The following GLIS3 variants were observed in gnomAD, a reference collection of about 807,000 sequenced individuals.
GLIS3 encodes the protein zinc finger protein GLIS3.
Under a neutral mutation model 78.6 loss-of-function variants are expected in GLIS3, and 53 were observed. The ratio of observed to expected loss-of-function variants is 0.67; its 90% CI spans 0.54 to 0.85. The LOEUF (loss-of-function observed/expected upper bound fraction) is 0.85. GLIS3 is among the 40% of genes least tolerant of loss of function. The probability of loss-of-function intolerance (pLI) is 0.00; values close to 1 mark genes in which losing one functional copy is unlikely to be tolerated. For synonymous variants in GLIS3, 684 were observed against 509.9 expected (o/e 1.34, Z -4.60); for missense variants, 1,703 against 1,231.1 (o/e 1.38, Z -5.74).
At chr9:4,421,139 A>G in the GLIS3 span, among the ~76,000 whole-genome samples, 3 of 152,228 alleles carry the variant, frequency 2.0e-5, no homozygotes, top group African/African-American at 7.2e-5. Context: ...AAGCACTGTG[A>G]AAGCAATAAT....
At chr9:4,101,223 G>A (rs545599683) in intron 4 of GLIS3, among the ~76,000 whole-genome samples, 94 of 152,240 alleles carry the variant, frequency 6.2e-4, no homozygotes, top group Middle Eastern at 3.4e-3. Context: ...CTACTGCAAC[G>A]GATTACTGTG....
the GLIS3 span, among the ~76,000 whole-genome samples, chr9:4,439,265 C>T: frequency 9.2e-5 from 14 of 152,172 alleles, no homozygotes; most frequent in African/African-American, 3.4e-4. Context: ...ATATAATTCA[C>T]GTATCATACA....
At chr9:4,395,068 T>A in the GLIS3 span, among the ~76,000 whole-genome samples, 20 of 152,334 alleles carry the variant, frequency 1.3e-4, no homozygotes, top group African/African-American at 4.6e-4. Context: ...TTTCTAGTTA[T>A]TCATCAAGAA....
At chr9:3,944,831 G>T (rs1816182352) in intron 4 of GLIS3, among the ~76,000 whole-genome samples, 1 of 152,186 alleles carries the variant, frequency 6.6e-6, no homozygotes, top group Non-Finnish European at 1.5e-5. Flanking sequence ...CAGTTCAGAA[G>T]ACTGAGAAGT....
chr9:3,896,685 GT>G (rs1162384726), intron 7 of GLIS3, among the ~76,000 whole-genome samples: 31 of 10,230 alleles, frequency 3.0e-3, no homozygotes, highest in African/African-American at 7.4e-3. Flanking sequence ...AAAAAAAGAA[GT>G]AGAGAGGGTA....
chr9:4,378,974 G>A, the GLIS3 span, among the ~76,000 whole-genome samples: 2 of 152,190 alleles, frequency 1.3e-5, no homozygotes, highest in African/African-American at 2.4e-5. Flanking sequence ...TTAAATGAAG[G>A]CTGACAGGTG....
At chr9:3,866,570 G>A (rs1352498913) in intron 8 of GLIS3, among the ~76,000 whole-genome samples, 1 of 152,204 alleles carries the variant, frequency 6.6e-6, no homozygotes, top group African/African-American at 2.4e-5. Context: ...CAGGTCATGT[G>A]AGGTTCTGAT....
At chr9:4,314,581 A>G (rs2130533918) in intron 2 of GLIS3, among the ~76,000 whole-genome samples, 1 of 152,310 alleles carries the variant, frequency 6.6e-6, no homozygotes, top group East Asian at 1.9e-4. Flanking sequence ...TGCAGGGTAA[A>G]CCTCTACTAA....
chr9:4,458,691 G>A, the GLIS3 span, among the ~76,000 whole-genome samples: 35 of 152,258 alleles, frequency 2.3e-4, no homozygotes, highest in South Asian at 6.0e-3. Flanking sequence ...GGGACTACTC[G>A]GGAGGCTGAG....
chr9:4,257,567 G>GTTA (rs879469087), intron 2 of GLIS3, among the ~76,000 whole-genome samples: 2,316 of 54,442 alleles, frequency 0.043, 30 homozygotes, highest in South Asian at 0.25. Flanking sequence ...ACATGTATAT[G>GTTA]TTGTTGTTGT....
chr9:4,340,401 T>A (rs1188917640), intron 2 of GLIS3, among the ~76,000 whole-genome samples: 1 of 152,080 alleles, frequency 6.6e-6, no homozygotes, highest in Non-Finnish European at 1.5e-5. Context: ...AACTTCCCAA[T>A]TAAAAGGCAA....
the GLIS3 span, among the ~76,000 whole-genome samples, chr9:4,358,671 A>G: frequency 6.7e-6 from 1 of 149,328 alleles, no homozygotes; most frequent in African/African-American, 2.6e-5. Flanking sequence ...CATGCCTTGT[A>G]CAGTAGTCTT....
chr9:4,058,022 C>T (rs1451849871), intron 4 of GLIS3, among the ~76,000 whole-genome samples: 2 of 152,176 alleles, frequency 1.3e-5, no homozygotes, highest in Non-Finnish European at 2.9e-5. Context: ...CACACCTGGT[C>T]TTTTGAATGA....
the GLIS3 span, among the ~76,000 whole-genome samples, chr9:4,401,267 T>G: frequency 0.04 from 6,041 of 152,230 alleles, 191 homozygotes; most frequent in South Asian, 0.094. Context: ...TTTGTTTGTT[T>G]TTGTTTTTTG....
intron 1 of GLIS3, among the ~76,000 whole-genome samples, chr9:4,295,019 T>C (rs1047906089): frequency 6.6e-6 from 1 of 152,224 alleles, no homozygotes; most frequent in African/African-American, 2.4e-5. Context: ...GCATGTTTCC[T>C]AGTCTTTTCC....
At chr9:4,191,904 G>C (rs1318744272) in intron 2 of GLIS3, among the ~76,000 whole-genome samples, 1 of 151,978 alleles carries the variant, frequency 6.6e-6, no homozygotes, top group Non-Finnish European at 1.5e-5. Context: ...TATTTCTAAA[G>C]CAAGAGAAAC....
In GLIS3 at chr9:4,162,747, G is replaced by C. The variant is rs568714906; in HGVS notation, c.389-36806C>G. Among the ~76,000 whole-genome samples the C allele has an allele frequency of 4.6e-5, 7 of 151,058 alleles. No homozygotes were observed. In the South Asian group the frequency reaches 1.0e-3, roughly 23 times the overall value. Reference sequence around the variant, plus strand: ...TGGCACACACCTGTAATCCCAGCTAGTCAGGAGGCTGAGGCAGAAGAATGG... The same window carrying C: ...TGGCACACACCTGTAATCCCAGCTACTCAGGAGGCTGAGGCAGAAGAATGG... On this transcript the variant is annotated intron_variant, in intron 2 of 10. Transcript: ENST00000381971.
At chr9:4,420,883 A>C in the GLIS3 span, among the ~76,000 whole-genome samples, 1 of 152,182 alleles carries the variant, frequency 6.6e-6, no homozygotes, top group South Asian at 2.1e-4. Context: ...TATTTTCCCC[A>C]AGCTATTTAT....
chr9:4,109,701 C>G (rs1009730631), intron 4 of GLIS3, among the ~76,000 whole-genome samples: 1 of 152,178 alleles, frequency 6.6e-6, no homozygotes, highest in African/African-American at 2.4e-5. Context: ...AATTCCTAAA[C>G]ATGATCCCTA....
Sources: allele counts gnomAD v4.1 joint callset (sites outside exome capture counted in the v4.1 genomes callset), GRCh38; gene constraint gnomAD v4.1.1; transcripts MANE v1.5; gene names NCBI Gene and HGNC (gene_info 2026-07-23, HGNC 2026-07-21).